GRID2: variants seen among roughly 807,000 people sequenced by gnomAD.
GRID2 encodes glutamate receptor ionotropic, delta-2.
A neutral mutation model predicts 114.8 loss-of-function variants in GRID2; 33 were observed. The ratio of observed to expected loss-of-function variants is 0.29; its 90% CI spans 0.22 to 0.38. The LOEUF is 0.38. Ranked by LOEUF, GRID2 falls within the 10% of genes least tolerant of loss-of-function variation. The pLI, the probability that GRID2 is intolerant of heterozygous loss-of-function variation, is 1.00. For missense variants in GRID2, 1,184 were observed against 1,257.7 expected, an observed-to-expected ratio of 0.94 and a Z score of 0.89; for synonymous variants, 505 against 449.9, an observed-to-expected ratio of 1.12 and a Z score of -1.55.
At chr4:93,140,170 T>C (rs982508781) in intron 4 of GRID2, among the ~76,000 whole-genome samples, 2 of 148,394 alleles carry the variant, frequency 1.3e-5, no homozygotes, top group African/African-American at 5.0e-5. Flanking sequence ...CTTTTTTTTT[T>C]TTTTTTGAGA....
intron 1 of GRID2, among the ~76,000 whole-genome samples, chr4:92,344,031 C>A (rs2110168455): frequency 6.6e-6 from 1 of 152,286 alleles, no homozygotes; most frequent in African/African-American, 2.4e-5. Context: ...AGAGGAGGAG[C>A]TGGTCTTGCT....
At position 93,601,438 on chromosome 4, in the gene GRID2, G is replaced by C. The variant is rs528301205; in HGVS notation, c.2194-24831G>C. Reference sequence around the variant, plus strand: ...TCTTTAGGATTATTTCCTTTTCCTGGGGTTTACTCTTTTAATAAATTGGGA... The same window carrying C: ...TCTTTAGGATTATTTCCTTTTCCTGCGGTTTACTCTTTTAATAAATTGGGA... On this transcript the variant is annotated intron_variant, in intron 13 of 15. Transcript: ENST00000282020. Among the ~76,000 whole-genome samples, 326 of 152,106 alleles carry C rather than the reference G, an allele frequency of 2.1e-3. 3 individuals carry two copies. Among genetic ancestry groups the C allele is most frequent in the African/African-American group, 7.4e-3 (309 of 41,494 alleles).
chr4:93,363,845 ATG>A (rs759945124), intron 8 of GRID2, among the ~76,000 whole-genome samples: 24 of 150,836 alleles, frequency 1.6e-4, no homozygotes, highest in Admixed American at 2.6e-4. Context: ...TAGAAAATAT[ATG>A]TATATATAGT....
intron 1 of GRID2, among the ~76,000 whole-genome samples, chr4:92,454,959 C>T (rs577736202): frequency 9.9e-4 from 150 of 152,234 alleles, no homozygotes; most frequent in African/African-American, 3.5e-3. Context: ...AAAATTATTT[C>T]TAAGAGGTTG....
At chr4:92,392,528 ACT>A (rs1560603536) in intron 1 of GRID2, among the ~76,000 whole-genome samples, 1 of 151,810 alleles carries the variant, frequency 6.6e-6, no homozygotes, top group Admixed American at 6.6e-5. Context: ...GCAGAGTGAG[ACT>A]CTGTCTCAAA....
chr4:93,260,139 T>A (rs112608148), intron 8 of GRID2, among the ~76,000 whole-genome samples: 2,673 of 151,808 alleles, frequency 0.018, 77 homozygotes, highest in African/African-American at 0.061. Flanking sequence ...TAAAAACCAT[T>A]GATACTTTGC....
intron 1 of GRID2, among the ~76,000 whole-genome samples, chr4:92,462,580 T>C (rs1201616234): frequency 6.6e-6 from 1 of 151,938 alleles, no homozygotes; most frequent in Admixed American, 6.6e-5. Context: ...TCAAGCAGAA[T>C]TGATTAAGGA....
intron 2 of GRID2, among the ~76,000 whole-genome samples, chr4:92,876,171 G>C (rs1416559150): frequency 6.6e-6 from 1 of 151,474 alleles, no homozygotes; most frequent in South Asian, 2.1e-4. Context: ...GTTTAGAAAT[G>C]TCACCTTATA....
chr4:93,021,590 T>C (rs908012972), intron 2 of GRID2, among the ~76,000 whole-genome samples: 1 of 145,838 alleles, frequency 6.9e-6, no homozygotes, highest in Admixed American at 6.9e-5. Flanking sequence ...ATATAATTTT[T>C]ATCTTAATCT....
At chr4:93,478,767 G>C (rs1016012213) in intron 11 of GRID2, among the ~76,000 whole-genome samples, 3 of 151,990 alleles carry the variant, frequency 2.0e-5, no homozygotes, top group African/African-American at 7.2e-5. Flanking sequence ...AAAAGTGGTG[G>C]AAAGAAGGAA....
At chr4:93,177,906 C>T (rs933485148) in intron 4 of GRID2, among the ~76,000 whole-genome samples, 3 of 151,506 alleles carry the variant, frequency 2.0e-5, no homozygotes, top group African/African-American at 7.3e-5. Context: ...AGTCATTTAC[C>T]CTTAAAGTAT....
In GRID2 at chr4:93,110,484, C is replaced by G. The variant is rs116729399; in HGVS notation, c.530-264C>G. On this transcript the variant is annotated intron_variant, in intron 3 of 15. Coordinates refer to ENST00000282020, the MANE Select transcript of GRID2 (RefSeq NM_001510.4). ...ACCATCTCCGTGCACCCTCACCCAA[C>G]ATTTCTAGGATTGACATCATTTAGG... Among the ~76,000 whole-genome samples, 276 of 152,256 alleles carry G rather than the reference C, an allele frequency of 1.8e-3. 1 individual carries two copies. Among genetic ancestry groups the G allele is most frequent in the African/African-American group, 5.2e-3 (215 of 41,552 alleles).
intron 2 of GRID2, among the ~76,000 whole-genome samples, chr4:92,958,579 T>G (rs764884650): frequency 4.6e-5 from 7 of 152,150 alleles, no homozygotes; most frequent in Non-Finnish European, 8.8e-5. Flanking sequence ...GCTAATATTT[T>G]GTTGAAGATA....
chr4:92,780,253 T>A (rs1041545659), intron 2 of GRID2, among the ~76,000 whole-genome samples: 1 of 152,162 alleles, frequency 6.6e-6, no homozygotes. Context: ...TTAATCATTA[T>A]TTTTGTTGTT....
chr4:92,309,807 T>A (rs1725603203), intron 1 of GRID2, among the ~76,000 whole-genome samples: 1 of 151,948 alleles, frequency 6.6e-6, no homozygotes, highest in African/African-American at 2.4e-5. Context: ...TAATACTTAT[T>A]CTCTATGAAT....
chr4:92,344,604 C>A (rs1175112383), intron 1 of GRID2, among the ~76,000 whole-genome samples: 1 of 152,146 alleles, frequency 6.6e-6, no homozygotes, highest in Admixed American at 6.5e-5. Context: ...TGGTGTAGCT[C>A]AAAGGCTACA....
At chr4:93,470,828 A>C (rs915157086) in intron 11 of GRID2, among the ~76,000 whole-genome samples, 4 of 152,140 alleles carry the variant, frequency 2.6e-5, no homozygotes, top group African/African-American at 9.6e-5. Flanking sequence ...TTTATTTTTA[A>C]ATTTTAAGTA....
chr4:93,787,094 T>C (rs58560083), intron 1 of GRID2, among the ~76,000 whole-genome samples: 25,575 of 151,100 alleles, frequency 0.17, 2,479 homozygotes, highest in East Asian at 0.43. Flanking sequence ...CCCTAGGACT[T>C]TGGAGTCCTC....
chr4:93,093,437 A>T (rs1730945474), intron 3 of GRID2, among the ~76,000 whole-genome samples: 1 of 152,006 alleles, frequency 6.6e-6, no homozygotes, highest in Non-Finnish European at 1.5e-5. Flanking sequence ...AGCGATAGGG[A>T]TCTCTTTCTG....
Sources: gnomAD v4.1 joint callset for allele counts (sites outside exome capture counted in the v4.1 genomes callset) on GRCh38, gnomAD v4.1.1 for gene constraint, MANE v1.5 for transcripts, NCBI Gene and HGNC (gene_info 2026-07-23, HGNC 2026-07-21) for gene names.